Variants in PAK6 observed in about 807,000 individuals in gnomAD.
The protein encoded by PAK6 is p21 (RAC1) activated kinase 6, also known as serine/threonine-protein kinase PAK 6.
A neutral mutation model predicts 60.8 loss-of-function variants in PAK6; 33 were observed. The ratio of observed to expected loss-of-function variants is 0.54; its 90% confidence interval spans 0.41 to 0.73. PAK6 has a LOEUF of 0.73. Among genes scored for constraint, PAK6 ranks in the 30% least tolerant of loss-of-function variants. The pLI is 0.00. For synonymous variants in PAK6, 404 were observed against 378.5 expected, an observed-to-expected ratio of 1.07 and a Z score of -0.78; for missense variants, 845 against 904.1, an observed-to-expected ratio of 0.93 and a Z score of 0.84.
chr15:40,252,211 G>C, intron 2 of PAK6: 1 of 1,150,380 alleles, frequency 8.7e-7, no homozygotes, highest in Non-Finnish European at 1.1e-6. Flanking sequence ...GCTCAGGTCC[G>C]GGAGAGTCGG....
intron 2 of PAK6, chr15:40,252,852 G>A (rs1298763504): frequency 2.4e-6 from 3 of 1,266,876 alleles, no homozygotes; most frequent in East Asian, 6.6e-5. Context: ...CCTGGAGCGG[G>A]ACCTCCCTCC....
In PAK6 at chr15:40,243,013, G is replaced by A. The variant is rs543966082; in HGVS notation, c.-118+2332G>A. ...CTGAGCTGAGCGTGGGGCCAACCGC[G>A]CCAGAAACAAGCGGAGCCACAAAGC... On this transcript the variant is annotated intron_variant, in intron 2 of 10. Coordinates refer to ENST00000560346, the Ensembl canonical transcript of PAK6. Among the ~76,000 whole-genome samples, 21 of 152,264 alleles carry A rather than the reference G, an allele frequency of 1.4e-4. 1 individual carries two copies. Among genetic ancestry groups the A allele is most frequent in the South Asian group, 8.3e-4 (4 of 4,826 alleles).
chr15:40,264,511 A>G (rs2039067771), intron 3 of PAK6: 1 of 586,202 alleles, frequency 1.7e-6, no homozygotes, highest in East Asian at 3.7e-5. Context: ...TGCCTGCTCC[A>G]TAGGGGACTT....
At position 40,257,603 on chromosome 15, in the gene PAK6, A is replaced by G. The variant is rs538497882; in HGVS notation, c.-6+4314A>G. Among the ~76,000 whole-genome samples, 3 of 152,386 alleles carry G rather than the reference A, an allele frequency of 2.0e-5. No homozygotes were observed. The South Asian group carries it at 6.2e-4, about 32-fold the overall frequency. The stretch of plus-strand genomic sequence containing the variant: ...ATGCCAGAGCATGTTTGAAACAGGC[A>G]GGTACATTCCCAAGTGGTCTGTCTC... On this transcript the variant is annotated intron_variant, in intron 3 of 10. Transcript: ENST00000560346.
At chr15:40,266,864 G>GC in intron 5 of PAK6, 1 of 205,690 alleles carries the variant, frequency 4.9e-6, no homozygotes, top group South Asian at 1.6e-4. Context: ...GGTGAAGGGA[G>GC]CCCCCGTGGT....
At chr15:40,247,249 T>G (rs1371854224) in intron 2 of PAK6, 1 of 152,244 alleles carries the variant, frequency 6.6e-6, no homozygotes, top group Non-Finnish European at 1.5e-5. Flanking sequence ...CCAGCAAAAA[T>G]GCCAGCCAGA....
rs757050106 is a variant in PAK6 at position 40,273,487 on chromosome 15, G to A, written c.1617+15G>A. The A allele has an allele frequency of 3.7e-6, 6 of 1,613,590 alleles. No individual in the cohort carries two copies. Among genetic ancestry groups the A allele is most frequent in the Non-Finnish European group, 5.1e-6 (6 of 1,179,808 alleles). On this transcript the variant is annotated intron_variant, in intron 8 of 10. Coordinates refer to ENST00000560346, the Ensembl canonical transcript of PAK6. ...TCGATGGCAGGGTAGGTCCCATCCT[G>A]TCCCTGGCACAGCCACGCTCCCACT...
intron 2 of PAK6, chr15:40,252,420 G>A (rs1205610370): frequency 1.5e-6 from 2 of 1,354,578 alleles, no homozygotes; most frequent in Non-Finnish European, 2.0e-6. Flanking sequence ...CAGGTGGAGA[G>A]AAAGAGTTGA....
intron 2 of PAK6, chr15:40,252,772 T>C: frequency 7.7e-7 from 1 of 1,301,094 alleles, no homozygotes; most frequent in Non-Finnish European, 1.0e-6. Flanking sequence ...TGGGTGCCCA[T>C]GCCCCGAAGT....
At chr15:40,258,106 T>A (rs888683857) in intron 3 of PAK6, among the ~76,000 whole-genome samples, 2 of 152,176 alleles carry the variant, frequency 1.3e-5, no homozygotes, top group Non-Finnish European at 2.9e-5. Flanking sequence ...CACCCCTTGC[T>A]GAGTGGAAAA....
At chr15:40,264,932 C>T (rs778064250) in exon 4 of PAK6, 2 of 1,613,782 alleles carry the variant, frequency 1.2e-6, no homozygotes, top group Admixed American at 1.7e-5. Context: ...CACTGCGGCG[C>T]CCCAAGCCCG....
intron 2 of PAK6, among the ~76,000 whole-genome samples, chr15:40,241,980 G>A (rs761516098): frequency 6.6e-6 from 1 of 152,238 alleles, no homozygotes; most frequent in Non-Finnish European, 1.5e-5. Context: ...GTGACTCTGT[G>A]CCTAGGAGTC....
chr15:40,249,181 T>G (rs1449613913), intron 2 of PAK6, among the ~76,000 whole-genome samples: 1 of 152,154 alleles, frequency 6.6e-6, no homozygotes, highest in Admixed American at 6.5e-5. Flanking sequence ...CATAAAGGCA[T>G]GAATCCCATT....
At chr15:40,245,926 TG>T (rs1265469962) in intron 2 of PAK6, 3 of 152,256 alleles carry the variant, frequency 2.0e-5, no homozygotes, top group Non-Finnish European at 2.9e-5. Flanking sequence ...ATTGGGAGGC[TG>T]GGCAGGTCCC....
intron 2 of PAK6, among the ~76,000 whole-genome samples, chr15:40,240,893 C>A (rs1051971301): frequency 6.6e-6 from 1 of 152,182 alleles, no homozygotes; most frequent in African/African-American, 2.4e-5. Flanking sequence ...GGCTCCCTAG[C>A]TAGAGGGAGA....
intron 10 of PAK6, among the ~76,000 whole-genome samples, chr15:40,275,295 T>G (rs1224323969): frequency 8.7e-6 from 1 of 115,232 alleles, no homozygotes; most frequent in Non-Finnish European, 1.8e-5. Context: ...TTTTTTTTTT[T>G]TTTTTTTGGA....
intron 7 of PAK6, 150 bp downstream of exon 7, chr15:40,273,149 A>T: frequency 8.4e-7 from 1 of 1,184,110 alleles, no homozygotes; most frequent in Non-Finnish European, 1.2e-6. Context: ...GGGTCTTGGG[A>T]GTGGAGAAGA....
At chr15:40,243,662 A>G (rs985872949) in intron 2 of PAK6, among the ~76,000 whole-genome samples, 1 of 152,230 alleles carries the variant, frequency 6.6e-6, no homozygotes, top group African/African-American at 2.4e-5. Context: ...AGGAGAAACA[A>G]AAGCTCTCAG....
chr15:40,273,951 T>G lies in PAK6; in HGVS notation c.1744-191T>G, dbSNP rs545852070. On this transcript the variant is annotated intron_variant, in intron 9 of 10. Transcript: ENST00000560346. ...CCTTTCTCTGAGTGACTGACAGCTGTGTCCCTATAGGCAGTGGTCACTCAT... is the reference window on the plus strand; with the variant it reads ...CCTTTCTCTGAGTGACTGACAGCTGGGTCCCTATAGGCAGTGGTCACTCAT... The G allele has an allele frequency of 6.2e-4, 435 of 701,112 alleles. 1 individual carries two copies. The highest frequency in any genetic ancestry group is 8.7e-4 in the Non-Finnish European group (362 of 415,262). 43.4% of individuals were successfully genotyped at this position (701,112 alleles called of 1,614,324 possible).
Sources: allele counts gnomAD v4.1 joint callset (sites outside exome capture counted in the v4.1 genomes callset), GRCh38; gene constraint gnomAD v4.1.1; transcripts MANE v1.5; gene names NCBI Gene and HGNC (gene_info 2026-07-23, HGNC 2026-07-21).